The following CPQ variants were observed in gnomAD, a reference collection of about 807,000 sequenced individuals.
CPQ encodes Ser-Met dipeptidase.
Under a neutral mutation model 45.7 loss-of-function variants are expected in CPQ, and 37 were observed. That is an observed-to-expected ratio of 0.81 (90% CI 0.62 to 1.07). The LOEUF is 1.07. Among genes scored for constraint, CPQ ranks in the 50% least tolerant of loss-of-function variants. CPQ has a pLI of 0.00. For synonymous variants in CPQ, 186 were observed against 205.8 expected, an observed-to-expected ratio of 0.90 and a Z score of 0.82; for missense variants, 537 against 572.9, an observed-to-expected ratio of 0.94 and a Z score of 0.64.
chr8:96,867,687 T>G (rs1586431633), intron 3 of CPQ, among the ~76,000 whole-genome samples: 1 of 152,180 alleles, frequency 6.6e-6, no homozygotes, highest in South Asian at 2.1e-4. Flanking sequence ...TCAATTTGCA[T>G]AAATACAAAA....
At chr8:96,678,787 G>A (rs566837891) in intron 1 of CPQ, among the ~76,000 whole-genome samples, 87 of 113,872 alleles carry the variant, frequency 7.6e-4, no homozygotes, top group Non-Finnish European at 1.2e-3. Flanking sequence ...CTGTTGAGTT[G>A]TTTGATTTCC....
At chr8:96,940,722 G>A (rs1056019576) in intron 4 of CPQ, among the ~76,000 whole-genome samples, 4 of 152,100 alleles carry the variant, frequency 2.6e-5, no homozygotes, top group African/African-American at 9.7e-5. Context: ...AATGTTTTCA[G>A]CTTTTTACTC....
At chr8:96,949,235 G>C (rs1813229097) in intron 4 of CPQ, among the ~76,000 whole-genome samples, 2 of 143,730 alleles carry the variant, frequency 1.4e-5, no homozygotes, top group African/African-American at 2.7e-5. Flanking sequence ...CTTTCTTACT[G>C]TCCTCGTTTA....
chr8:96,810,160 C>G (rs922344693), intron 2 of CPQ, among the ~76,000 whole-genome samples: 1 of 152,194 alleles, frequency 6.6e-6, no homozygotes, highest in Admixed American at 6.5e-5. Context: ...CTCCCCATCC[C>G]TTTCACATTG....
chr8:96,726,286 AATTC>A (rs1258974250), intron 1 of CPQ, among the ~76,000 whole-genome samples: 2 of 152,172 alleles, frequency 1.3e-5, no homozygotes, highest in African/African-American at 4.8e-5. Context: ...ATTATGGATT[AATTC>A]ATTCATGAAT....
At chr8:96,696,690 C>T (rs1360906266) in intron 1 of CPQ, among the ~76,000 whole-genome samples, 3 of 151,936 alleles carry the variant, frequency 2.0e-5, no homozygotes, top group African/African-American at 4.8e-5. Flanking sequence ...GGAGACATTA[C>T]AACCAATACC....
Position 96,770,394 on chromosome 8 carries a change from G to A in CPQ, c.-34-14470G>A, listed in dbSNP as rs140842531. Among the ~76,000 whole-genome samples, 986 of 152,254 alleles carry A rather than the reference G, an allele frequency of 6.5e-3. 14 individuals are homozygous for A. The highest frequency in any genetic ancestry group is 0.022 in the African/African-American group (911 of 41,542). ...AAGAGGGATGTCATGAGCTGCCTCT[G>A]CACAACTGTTGAATTCAATTTTCTT... On this transcript the variant is annotated intron_variant, in intron 1 of 7. Transcript: ENST00000220763.
At chr8:96,813,038 A>G (rs1225303073) in intron 2 of CPQ, among the ~76,000 whole-genome samples, 1 of 152,062 alleles carries the variant, frequency 6.6e-6, no homozygotes, top group African/African-American at 2.4e-5. Context: ...AAGTGATTTC[A>G]TTTTGTTTAT....
chr8:97,102,761 A>G (rs1311116689), intron 7 of CPQ, among the ~76,000 whole-genome samples: 3 of 152,202 alleles, frequency 2.0e-5, no homozygotes, highest in African/African-American at 4.8e-5. Flanking sequence ...AATCTTGTCT[A>G]GTATTATCAC....
At chr8:97,120,776 T>C (rs758015244) in intron 7 of CPQ, among the ~76,000 whole-genome samples, 7 of 152,208 alleles carry the variant, frequency 4.6e-5, no homozygotes, top group Non-Finnish European at 8.8e-5. Context: ...TGAAACAATA[T>C]GTGATTTCAT....
At chr8:97,074,983 C>T (rs1037141275) in intron 7 of CPQ, among the ~76,000 whole-genome samples, 10 of 152,116 alleles carry the variant, frequency 6.6e-5, no homozygotes, top group Admixed American at 3.9e-4. Context: ...ATAGCTGATG[C>T]GAAGATACCG....
intron 6 of CPQ, among the ~76,000 whole-genome samples, chr8:97,033,044 G>A (rs117429746): frequency 0.016 from 2,482 of 152,026 alleles, 44 homozygotes; most frequent in Middle Eastern, 0.027. Context: ...TTCAGCCAGT[G>A]ATCAAGAGGG....
At chr8:96,701,621 C>T (rs147435732) in intron 1 of CPQ, among the ~76,000 whole-genome samples, 319 of 152,194 alleles carry the variant, frequency 2.1e-3, no homozygotes, top group African/African-American at 7.0e-3. Flanking sequence ...GAGGAGGCTC[C>T]GAAGAGATCT....
chr8:96,829,941 T>G (rs3843550), intron 2 of CPQ, among the ~76,000 whole-genome samples: 86,483 of 151,970 alleles, frequency 0.57, 25,985 homozygotes, highest in East Asian at 0.89. Context: ...GAATTAATTT[T>G]GATCTGTAAG....
chr8:97,057,914 G>T (rs1425216463), intron 6 of CPQ, among the ~76,000 whole-genome samples: 1 of 152,182 alleles, frequency 6.6e-6, no homozygotes, highest in East Asian at 1.9e-4. Flanking sequence ...CACTTGAGCA[G>T]ACCAAGGAGC....
intron 1 of CPQ, among the ~76,000 whole-genome samples, chr8:96,757,907 A>G (rs115235683): frequency 0.019 from 2,918 of 152,252 alleles, 102 homozygotes; most frequent in African/African-American, 0.067. Flanking sequence ...CAAAAATAAT[A>G]GGTGAATTAT....
intron 3 of CPQ, among the ~76,000 whole-genome samples, chr8:96,855,428 C>T (rs1289178702): frequency 6.6e-6 from 1 of 152,154 alleles, no homozygotes; most frequent in Non-Finnish European, 1.5e-5. Flanking sequence ...AGATCCAGCC[C>T]TGATAGGAGA....
chr8:96,863,444 A>G lies in CPQ; in HGVS notation c.642-16354A>G, dbSNP rs577608196. Among the ~76,000 whole-genome samples the G allele has an allele frequency of 2.2e-3, 339 of 152,108 alleles. 2 individuals carry two copies. The highest frequency in any genetic ancestry group is 7.6e-3 in the African/African-American group (317 of 41,524). ...GCAAAAACCTGAAGGCTGACCCTGG[A>G]CTAAGTGTCTGCTTATACAGGTGAG... On this transcript the variant is annotated intron_variant, in intron 3 of 7. Transcript: ENST00000220763.
chr8:96,910,260 T>C (rs1198177773), intron 4 of CPQ, among the ~76,000 whole-genome samples: 3 of 152,162 alleles, frequency 2.0e-5, no homozygotes, highest in Non-Finnish European at 4.4e-5. Context: ...ATACATCTAG[T>C]TCAGGGTGGA....
Sources: allele counts gnomAD v4.1 joint callset (sites outside exome capture counted in the v4.1 genomes callset), GRCh38; gene constraint gnomAD v4.1.1; transcripts MANE v1.5; gene names NCBI Gene and HGNC (gene_info 2026-07-23, HGNC 2026-07-21).